The following GPR39 variants were observed in gnomAD, a reference collection of about 807,000 sequenced individuals.
GPR39 encodes the protein zinc sensing receptor.
Under a neutral mutation model 18.4 loss-of-function variants are expected in GPR39, and 23 were observed. The observed-to-expected ratio is 1.25, with a 90% CI of 0.90 to 1.77. The LOEUF is 1.77. Ranked by LOEUF, GPR39 falls within the 40% of genes most tolerant of loss-of-function variation. The pLI, the probability that GPR39 is intolerant of heterozygous loss-of-function variation, is 0.00. For synonymous variants in GPR39, 280 were observed against 257.9 expected (o/e 1.09, Z -0.82); for missense variants, 647 against 602.4 (o/e 1.07, Z -0.78).
intron 1 of GPR39, among the ~76,000 whole-genome samples, chr2:132,522,211 G>A (rs1347939338): frequency 1.3e-5 from 2 of 152,182 alleles, no homozygotes; most frequent in Admixed American, 6.5e-5. Context: ...CTTGAGGGGA[G>A]ATGCCCTCTC....
intron 1 of GPR39, among the ~76,000 whole-genome samples, chr2:132,445,094 A>G (rs1234166028): frequency 6.6e-6 from 1 of 152,180 alleles, no homozygotes; most frequent in Non-Finnish European, 1.5e-5. Context: ...TAGAATAATC[A>G]TTTAAAAATC....
chr2:132,485,753 A>G (rs1681325399), intron 1 of GPR39, among the ~76,000 whole-genome samples: 3 of 152,242 alleles, frequency 2.0e-5, no homozygotes, highest in South Asian at 4.1e-4. Flanking sequence ...TCCACCATAT[A>G]TGCTATTATT....
chr2:132,540,468 A>T (rs1386125195), intron 1 of GPR39, among the ~76,000 whole-genome samples: 4 of 152,100 alleles, frequency 2.6e-5, no homozygotes, highest in African/African-American at 4.8e-5. Flanking sequence ...CCCATTCCTG[A>T]CACTGTCATT....
intron 1 of GPR39, among the ~76,000 whole-genome samples, chr2:132,578,069 T>TTG (rs1680559392): frequency 6.7e-6 from 1 of 148,854 alleles, no homozygotes; most frequent in Middle Eastern, 3.5e-3. Flanking sequence ...TTTCTAGAGT[T>TTG]TTTTTTTTTT....
intron 1 of GPR39, among the ~76,000 whole-genome samples, chr2:132,635,548 G>A (rs527238081): frequency 6.6e-6 from 1 of 152,272 alleles, no homozygotes; most frequent in African/African-American, 2.4e-5. Flanking sequence ...GGAAGGAAGA[G>A]AGAAGGAGGA....
chr2:132,557,841 T>C (rs1202936567), intron 1 of GPR39, among the ~76,000 whole-genome samples: 1 of 152,206 alleles, frequency 6.6e-6, no homozygotes, highest in Non-Finnish European at 1.5e-5. Flanking sequence ...TCCGCGTTTC[T>C]CGTGACCTCC....
chr2:132,447,266 A>G (rs926019572), intron 1 of GPR39, among the ~76,000 whole-genome samples: 1 of 152,218 alleles, frequency 6.6e-6, no homozygotes, highest in South Asian at 2.1e-4. Context: ...GTCTGTCTCC[A>G]GAGCCTAGGA....
At chr2:132,476,742 A>G (rs2104786905) in intron 1 of GPR39, among the ~76,000 whole-genome samples, 1 of 152,114 alleles carries the variant, frequency 6.6e-6, no homozygotes, top group Non-Finnish European at 1.5e-5. Flanking sequence ...GAGGAAAAGC[A>G]TATGATGCTT....
intron 1 of GPR39, among the ~76,000 whole-genome samples, chr2:132,525,067 AT>A (rs1276717911): frequency 6.6e-6 from 1 of 152,146 alleles, no homozygotes. Context: ...TGCCCCTGGA[AT>A]TTGAGAGTTC....
intron 1 of GPR39, among the ~76,000 whole-genome samples, chr2:132,589,281 A>G (rs111385094): frequency 6.8e-4 from 103 of 152,172 alleles, no homozygotes; most frequent in African/African-American, 2.2e-3. Context: ...TGCCTCCTCC[A>G]CATCGGCTGC....
chr2:132,419,081 C>T (rs1483872994), intron 1 of GPR39, among the ~76,000 whole-genome samples: 1 of 152,130 alleles, frequency 6.6e-6, no homozygotes, highest in Non-Finnish European at 1.5e-5. Flanking sequence ...TTGTTAAAAG[C>T]TTAGGGTCTA....
intron 1 of GPR39, among the ~76,000 whole-genome samples, chr2:132,606,847 A>C (rs1681147218): frequency 6.6e-6 from 1 of 152,200 alleles, no homozygotes; most frequent in African/African-American, 2.4e-5. Context: ...CTCAATGGCC[A>C]AACTAACCTC....
intron 1 of GPR39, among the ~76,000 whole-genome samples, chr2:132,554,288 A>C (rs1680105604): frequency 6.6e-6 from 1 of 152,210 alleles, no homozygotes; most frequent in African/African-American, 2.4e-5. Context: ...ATGTTAGGCA[A>C]GCTGATAGCA....
At chr2:132,606,861 GTCCCCCTGGCAGAAC>G (rs1264770274) in intron 1 of GPR39, among the ~76,000 whole-genome samples, 2 of 152,190 alleles carry the variant, frequency 1.3e-5, no homozygotes, top group Non-Finnish European at 2.9e-5. Context: ...TAACCTCCAA[GTCCCCCTGGCAGAAC>G]TCCCCCTGGA....
intron 1 of GPR39, among the ~76,000 whole-genome samples, chr2:132,589,219 C>G (rs886085634): frequency 6.6e-6 from 1 of 152,156 alleles, no homozygotes; most frequent in African/African-American, 2.4e-5. Context: ...ATGTCCCCCC[C>G]TCCCCATTGC....
intron 1 of GPR39, among the ~76,000 whole-genome samples, chr2:132,566,457 G>C (rs994865330): frequency 6.6e-6 from 1 of 152,158 alleles, no homozygotes; most frequent in African/African-American, 2.4e-5. Flanking sequence ...TAGTTTCCTA[G>C]GAGATCAGAA....
At chr2:132,537,873 G>A (rs982077126) in intron 1 of GPR39, among the ~76,000 whole-genome samples, 2 of 151,834 alleles carry the variant, frequency 1.3e-5, no homozygotes, top group Admixed American at 1.3e-4. Context: ...CGAAGTTCTG[G>A]TGGTGTGTTT....
At chr2:132,519,158 A>G (rs1679381574) in intron 1 of GPR39, among the ~76,000 whole-genome samples, 1 of 152,100 alleles carries the variant, frequency 6.6e-6, no homozygotes. Context: ...GTCTCTGTGA[A>G]TTGGCTTATG....
chr2:132,629,405 A>G (rs1381824654), intron 1 of GPR39, among the ~76,000 whole-genome samples: 7 of 152,216 alleles, frequency 4.6e-5, no homozygotes, highest in Non-Finnish European at 1.0e-4. Context: ...AGAACTTTCC[A>G]TAAGAGAGTG....
Sources: allele counts gnomAD v4.1 joint callset (sites outside exome capture counted in the v4.1 genomes callset), GRCh38; gene constraint gnomAD v4.1.1; transcripts MANE v1.5; gene names NCBI Gene and HGNC (gene_info 2026-07-23, HGNC 2026-07-21).